The following GMPS variants were observed in gnomAD, a reference collection of about 807,000 sequenced individuals.
GMPS encodes guanosine monophosphate synthase, also known as GMP synthase [glutamine-hydrolyzing].
Under a neutral mutation model 77.9 loss-of-function variants are expected in GMPS, and 15 were observed. The ratio of observed to expected loss-of-function variants is 0.19; its 90% CI spans 0.13 to 0.30. The LOEUF is 0.30. Among genes scored for constraint, GMPS ranks in the 10% least tolerant of loss-of-function variants. The pLI is 1.00. For missense variants in GMPS, 590 were observed against 838.8 expected (o/e 0.70, Z 3.66); for synonymous variants, 224 against 275.9 (o/e 0.81, Z 1.86).
At chr3:155,920,638 C>T (rs559403352) in intron 10 of GMPS, among the ~76,000 whole-genome samples, 22 of 150,894 alleles carry the variant, frequency 1.5e-4, no homozygotes, top group African/African-American at 5.4e-4. Context: ...GGAGGGAAGC[C>T]AAGTGTTCTA....
Position 155,942,709 on chromosome 3 carries a change from T to G in GMPS, c.*5017T>G, listed in dbSNP as rs1755921538. ...GTAGGCTGTTCTTTCAACCTCTTTC[T>G]TCTTACTTCTTTACTTTTCCTTCAG... On this transcript the variant is annotated 3_prime_UTR_variant, in exon 16 of 16. Coordinates refer to ENST00000496455, the MANE Select transcript of GMPS (RefSeq NM_003875.3). 1 of 228,124 alleles carries G rather than the reference T, an allele frequency of 4.4e-6. No homozygotes were observed. Among genetic ancestry groups the G allele is most frequent in the South Asian group, 1.8e-4 (1 of 5,500 alleles). The allele number at this position is 228,124 out of a possible 1,614,324, so 14.1% of individuals were successfully genotyped here.
At chr3:155,878,557 C>T (rs907656594) in intron 1 of GMPS, among the ~76,000 whole-genome samples, 1 of 152,122 alleles carries the variant, frequency 6.6e-6, no homozygotes, top group Non-Finnish European at 1.5e-5. Context: ...TCCGTTTAAC[C>T]TTTTAGTGAA....
At chr3:155,920,747 GT>G (rs1288337395) in intron 10 of GMPS, among the ~76,000 whole-genome samples, 1 of 152,098 alleles carries the variant, frequency 6.6e-6, no homozygotes, top group East Asian at 1.9e-4. Context: ...GGCAAAAATG[GT>G]TTTACTGCTT....
intron 1 of GMPS, among the ~76,000 whole-genome samples, chr3:155,880,242 AT>A (rs1754179710): frequency 6.6e-6 from 1 of 152,016 alleles, no homozygotes; most frequent in African/African-American, 2.4e-5. Flanking sequence ...TCATTTTGAG[AT>A]AATTTTTGTA....
intron 12 of GMPS, among the ~76,000 whole-genome samples, chr3:155,928,628 C>G (rs1484790138): frequency 6.7e-6 from 1 of 149,882 alleles, no homozygotes; most frequent in Non-Finnish European, 1.5e-5. Flanking sequence ...GCTGGTGCAC[C>G]GCACCCACTA....
In GMPS at chr3:155,939,128, C is replaced by T. The variant is rs1461704084; in HGVS notation, c.*1436C>T. On this transcript the variant is annotated 3_prime_UTR_variant, in exon 16 of 16. Transcript: ENST00000496455. ...GGACCAGCAAGGGAAGAGTTTCTGT[C>T]TGTCTTAACAGAAATCTGTCCCCAA... 4.6e-6 allele frequency: 1 copy of T among 219,036 alleles called. No homozygotes were observed. The highest frequency in any genetic ancestry group is 5.8e-5 in the Admixed American group (1 of 17,292). The allele number at this position is 219,036 out of a possible 1,614,324, so 13.6% of individuals were successfully genotyped here.
At chr3:155,932,692 T>G (rs1049529504) in intron 13 of GMPS, among the ~76,000 whole-genome samples, 9 of 152,222 alleles carry the variant, frequency 5.9e-5, no homozygotes, top group African/African-American at 2.2e-4. Context: ...ACTTGAGGTT[T>G]CATTTTACTC....
chr3:155,877,475 G>C (rs1272065433), intron 1 of GMPS, among the ~76,000 whole-genome samples: 1 of 151,894 alleles, frequency 6.6e-6, no homozygotes, highest in Admixed American at 6.6e-5. Flanking sequence ...CATTTGTACA[G>C]TCAAAAAAAC....
intron 1 of GMPS, among the ~76,000 whole-genome samples, chr3:155,873,638 C>CTTGTTTTTTTTTTTTTTTTT (rs1753954852): frequency 3.6e-5 from 3 of 82,574 alleles, no homozygotes; most frequent in South Asian, 4.1e-4. Context: ...TGAGTAAGTT[C>CTTGTTTTTTTTTTTTTTTTT]TTTTTTTTTT....
At chr3:155,879,486 C>T (rs768744851) in intron 1 of GMPS, among the ~76,000 whole-genome samples, 2 of 151,942 alleles carry the variant, frequency 1.3e-5, no homozygotes, top group African/African-American at 4.8e-5. Context: ...AGGCTGGCCT[C>T]GAACTCCTGA....
At chr3:155,919,461 A>G (rs1755264862) in intron 10 of GMPS, 123 bp downstream of exon 10, 2 of 586,916 alleles carry the variant, frequency 3.4e-6, no homozygotes, top group Admixed American at 6.0e-5. Flanking sequence ...GAGAAAGGAA[A>G]GGATGGTTAG....
chr3:155,901,722 A>G (rs528841399), intron 3 of GMPS, among the ~76,000 whole-genome samples: 2 of 151,870 alleles, frequency 1.3e-5, no homozygotes, highest in East Asian at 1.9e-4. Context: ...CTTAAAGTTA[A>G]TTTTCCTTGT....
intron 12 of GMPS, among the ~76,000 whole-genome samples, chr3:155,927,121 A>G (rs754635762): frequency 6.6e-6 from 1 of 152,184 alleles, no homozygotes; most frequent in Non-Finnish European, 1.5e-5. Flanking sequence ...CCTTCTTTTT[A>G]AAGGCCAAAT....
rs1041176378 is a variant in GMPS at position 155,938,246 on chromosome 3, G to T, written c.*554G>T. Reference sequence around the variant, plus strand: ...GGGTATAAAATGTAAGCTACCATAAGATGGAAAAGCACCAGGAATTTGTTG... The same window carrying T: ...GGGTATAAAATGTAAGCTACCATAATATGGAAAAGCACCAGGAATTTGTTG... On this transcript the variant is annotated 3_prime_UTR_variant, in exon 16 of 16. Coordinates refer to ENST00000496455, the MANE Select transcript of GMPS (RefSeq NM_003875.3). 4.1e-5 allele frequency: 9 copies of T among 221,138 alleles called. No individual in the cohort carries two copies. Among genetic ancestry groups the T allele is most frequent in the South Asian group, 1.8e-4 (1 of 5,430 alleles). 13.7% of individuals were successfully genotyped at this position (221,138 alleles called of 1,614,324 possible). A position where few individuals can be genotyped will look rare whatever the true frequency, so the allele number is the denominator to read the frequency against.
In GMPS at chr3:155,920,590, GAAAAAAAAA is replaced by G. The variant is rs889414615; in HGVS notation, c.1318+1256_1318+1264del. ...ACTCCATCTTAAAAAAAAAAAAAAA[GAAAAAAAAA>G]AAAGAAAAGAATGATCTGTGAATGT... is the stretch of plus-strand genomic sequence containing the variant. On this transcript the variant is annotated intron_variant, in intron 10 of 15. Transcript: ENST00000496455. 4.2e-3 allele frequency among the ~76,000 whole-genome samples: 484 copies of G among 115,248 alleles called. 4 individuals carry two copies. Among genetic ancestry groups the G allele is most frequent in the African/African-American group, 0.015 (444 of 30,596 alleles). The allele number at this position is 115,248 out of a possible 152,430, so 75.6% of individuals were successfully genotyped here.
intron 1 of GMPS, among the ~76,000 whole-genome samples, chr3:155,892,644 T>G (rs1408686732): frequency 1.3e-5 from 2 of 152,242 alleles, no homozygotes; most frequent in African/African-American, 4.8e-5. Context: ...TTTTTATTTA[T>G]TTTTGAGACA....
intron 1 of GMPS, among the ~76,000 whole-genome samples, chr3:155,877,333 A>G (rs945299635): frequency 2.0e-5 from 3 of 152,198 alleles, no homozygotes; most frequent in African/African-American, 7.2e-5. Context: ...TCTGGATTCT[A>G]CCATTTACTT....
At chr3:155,885,491 A>G (rs1754315310) in intron 1 of GMPS, among the ~76,000 whole-genome samples, 1 of 152,026 alleles carries the variant, frequency 6.6e-6, no homozygotes, top group South Asian at 2.1e-4. Flanking sequence ...ATGTAGATCT[A>G]ATATTGTACA....
Position 155,870,659 on chromosome 3 carries a change from G to A in GMPS, c.-212G>A. Reference sequence around the variant, plus strand: ...AGCAGGAGGCGGGGGCAGCGTGCGCGCTGCTGGTCTTCTCTCCCGCGGCGC... The same window carrying A: ...AGCAGGAGGCGGGGGCAGCGTGCGCACTGCTGGTCTTCTCTCCCGCGGCGC... On this transcript the variant is annotated 5_prime_UTR_variant, in exon 1 of 16. Coordinates refer to ENST00000496455, the MANE Select transcript of GMPS (RefSeq NM_003875.3). The A allele has an allele frequency of 2.1e-6, 1 of 477,606 alleles. No homozygotes were observed. Among genetic ancestry groups the A allele is most frequent in the Non-Finnish European group, 3.7e-6 (1 of 267,948 alleles). 29.6% of individuals were successfully genotyped at this position (477,606 alleles called of 1,614,324 possible). A position where few individuals can be genotyped will look rare whatever the true frequency, so the allele number is the denominator to read the frequency against.
Sources: gnomAD v4.1 joint callset for allele counts (sites outside exome capture counted in the v4.1 genomes callset) on GRCh38, gnomAD v4.1.1 for gene constraint, MANE v1.5 for transcripts, NCBI Gene and HGNC (gene_info 2026-07-23, HGNC 2026-07-21) for gene names.